Variants in NMNAT3 observed in about 807,000 individuals in gnomAD.
NMNAT3 encodes the protein nicotinamide/nicotinic acid mononucleotide adenylyltransferase 3.
In NMNAT3, 21 loss-of-function variants were observed where a neutral mutation model predicts 24.8. The observed-to-expected ratio is 0.85, with a 90% confidence interval of 0.60 to 1.22. The LOEUF is 1.22. Among genes scored for constraint, NMNAT3 ranks in the 50% most tolerant of loss-of-function variants. The pLI is 0.00. For synonymous variants in NMNAT3, 136 were observed against 155.2 expected (o/e 0.88, Z 0.92); for missense variants, 387 against 436.6 (o/e 0.89, Z 1.01).
chr3:139,587,743 A>T (rs2053998262), intron 3 of NMNAT3, among the ~76,000 whole-genome samples: 1 of 152,194 alleles, frequency 6.6e-6, no homozygotes, highest in Non-Finnish European at 1.5e-5. Context: ...ATCTGAGCTC[A>T]TGTTATACAT....
intron 1 of NMNAT3, among the ~76,000 whole-genome samples, chr3:139,657,147 G>A (rs1352791655): frequency 6.6e-6 from 1 of 152,216 alleles, no homozygotes; most frequent in Non-Finnish European, 1.5e-5. Flanking sequence ...TGTAGTGAAG[G>A]GCCGGCCAGG....
chr3:139,583,274 G>A, intron 3 of NMNAT3: 2 of 1,249,718 alleles, frequency 1.6e-6, no homozygotes, highest in East Asian at 2.3e-5. Context: ...ATGTATAGCA[G>A]TACTTTTACC....
At chr3:139,586,121 CA>C (rs2053928582) in intron 3 of NMNAT3, among the ~76,000 whole-genome samples, 1 of 152,154 alleles carries the variant, frequency 6.6e-6, no homozygotes, top group African/African-American at 2.4e-5. Flanking sequence ...TAAAGAGAAG[CA>C]GAACAGAAAA....
chr3:139,637,566 T>C (rs1454086836), intron 2 of NMNAT3: 1 of 152,234 alleles, frequency 6.6e-6, no homozygotes, highest in East Asian at 1.9e-4. Context: ...AATGGAGATT[T>C]TGGCCTCACT....
At chr3:139,572,651 T>C (rs1285738114) in intron 6 of NMNAT3, among the ~76,000 whole-genome samples, 1 of 152,212 alleles carries the variant, frequency 6.6e-6, no homozygotes, top group Non-Finnish European at 1.5e-5. Flanking sequence ...CAAGTCTTTT[T>C]AGAAGAGTGT....
At chr3:139,631,078 G>C (rs1432422056) in intron 2 of NMNAT3, among the ~76,000 whole-genome samples, 2 of 152,308 alleles carry the variant, frequency 1.3e-5, no homozygotes, top group East Asian at 3.9e-4. Context: ...AATGAAGTGT[G>C]ATGCTGAGAA....
intron 1 of NMNAT3, among the ~76,000 whole-genome samples, chr3:139,671,705 A>C (rs906700621): frequency 6.6e-6 from 1 of 152,222 alleles, no homozygotes; most frequent in Non-Finnish European, 1.5e-5. Context: ...GGGGAAATTA[A>C]AAGCAAAGCA....
chr3:139,659,776 T>C (rs1301559998), intron 1 of NMNAT3, among the ~76,000 whole-genome samples: 2 of 152,242 alleles, frequency 1.3e-5, no homozygotes, highest in African/African-American at 2.4e-5. Context: ...TTGGTCAAAG[T>C]ACATCCAGTC....
intron 4 of NMNAT3, among the ~76,000 whole-genome samples, chr3:139,581,825 T>A (rs1178108899): frequency 6.6e-6 from 1 of 152,150 alleles, no homozygotes; most frequent in African/African-American, 2.4e-5. Context: ...TGTACACATA[T>A]GAGACAACTT....
intron 3 of NMNAT3, among the ~76,000 whole-genome samples, chr3:139,622,205 T>G (rs2055808048): frequency 6.6e-6 from 1 of 152,152 alleles, no homozygotes; most frequent in Admixed American, 6.5e-5. Context: ...CACCAATAGT[T>G]TACAAGAGTT....
At chr3:139,569,273 T>C (rs1358275415) in intron 6 of NMNAT3, 1 of 71,270 alleles carries the variant, frequency 1.4e-5, no homozygotes, top group Non-Finnish European at 4.6e-5. Flanking sequence ...TACAGCACAC[T>C]GATGGGTCTT....
At chr3:139,571,171 G>A (rs1938246161) in intron 6 of NMNAT3, 1 of 152,322 alleles carries the variant, frequency 6.6e-6, no homozygotes, top group Non-Finnish European at 1.5e-5. Flanking sequence ...TAATCTCCTG[G>A]TGTGCCGTTT....
intron 1 of NMNAT3, among the ~76,000 whole-genome samples, chr3:139,648,718 T>C (rs1414493266): frequency 6.6e-6 from 1 of 152,168 alleles, no homozygotes; most frequent in Non-Finnish European, 1.5e-5. Flanking sequence ...TTATCTGCAA[T>C]AGTGAAAAAT....
intron 1 of NMNAT3, among the ~76,000 whole-genome samples, chr3:139,671,008 C>A (rs1488767554): frequency 6.6e-6 from 1 of 152,146 alleles, no homozygotes; most frequent in African/African-American, 2.4e-5. Flanking sequence ...CTTTAACATT[C>A]TTTTTGATTG....
At chr3:139,589,837 T>C (rs2054090955) in intron 3 of NMNAT3, among the ~76,000 whole-genome samples, 1 of 152,152 alleles carries the variant, frequency 6.6e-6, no homozygotes, top group Admixed American at 6.5e-5. Context: ...TGAAGTTGTG[T>C]TCATACATGC....
In NMNAT3 at chr3:139,642,522, G is replaced by A. The variant is rs77421826; in HGVS notation, c.-140-4460C>T. Among the ~76,000 whole-genome samples the A allele has an allele frequency of 5.3e-3, 802 of 152,300 alleles. 7 individuals are homozygous for A. The highest frequency in any genetic ancestry group is 0.019 in the African/African-American group (775 of 41,554). On this transcript the variant is annotated intron_variant, in intron 1 of 6. Transcript: ENST00000643695. ...ATGATATGTTGAGCCCCACTGTGGC[G>A]CTGCCCTGGGAACTTTTCAGAAACA...
At chr3:139,642,965 GCCC>G (rs2056755623) in intron 1 of NMNAT3, among the ~76,000 whole-genome samples, 1 of 151,914 alleles carries the variant, frequency 6.6e-6, no homozygotes, top group South Asian at 2.1e-4. Context: ...ATTAAATTTT[GCCC>G]CCCAACACTC....
intron 4 of NMNAT3, among the ~76,000 whole-genome samples, chr3:139,579,968 C>G (rs1939920444): frequency 6.6e-6 from 1 of 151,998 alleles, no homozygotes; most frequent in African/African-American, 2.4e-5. Context: ...TGAGATAAGC[C>G]CTATTTGGCC....
At chr3:139,664,727 A>G (rs1228890148) in intron 1 of NMNAT3, among the ~76,000 whole-genome samples, 1 of 152,240 alleles carries the variant, frequency 6.6e-6, no homozygotes, top group Non-Finnish European at 1.5e-5. Context: ...TCCTTACAAT[A>G]GAAAGAATCT....
Sources: gnomAD v4.1 joint callset for allele counts (sites outside exome capture counted in the v4.1 genomes callset) on GRCh38, gnomAD v4.1.1 for gene constraint, MANE v1.5 for transcripts, NCBI Gene and HGNC (gene_info 2026-07-23, HGNC 2026-07-21) for gene names.